The following ATG3 variants were observed in gnomAD, a reference collection of about 807,000 sequenced individuals.
ATG3 encodes autophagy related 3, also known as ubiquitin-like-conjugating enzyme ATG3.
ATG3 carries 25 observed loss-of-function variants against 50.7 expected under a neutral mutation model. That is an observed-to-expected ratio of 0.49 (90% CI 0.36 to 0.69). ATG3 has a LOEUF of 0.69. Among genes scored for constraint, ATG3 ranks in the 30% least tolerant of loss-of-function variants. The probability of loss-of-function intolerance (pLI) is 0.00; values close to 1 mark genes in which losing one functional copy is unlikely to be tolerated. For synonymous variants in ATG3, 119 were observed against 125.5 expected (o/e 0.95, Z 0.34); for missense variants, 281 against 376.0 (o/e 0.75, Z 2.09).
intron 3 of ATG3, among the ~76,000 whole-genome samples, chr3:112,551,883 G>A (rs899149650): frequency 1.3e-5 from 2 of 151,758 alleles, no homozygotes; most frequent in African/African-American, 4.8e-5. Flanking sequence ...TTTTAAATAT[G>A]GAACAAAAAA....
At chr3:112,553,060 A>C (rs1933570621) in intron 3 of ATG3, among the ~76,000 whole-genome samples, 2 of 152,206 alleles carry the variant, frequency 1.3e-5, no homozygotes, top group Non-Finnish European at 2.9e-5. Flanking sequence ...TTTTTCTCAA[A>C]TTAGTCCATC....
intron 7 of ATG3, among the ~76,000 whole-genome samples, chr3:112,541,342 G>A (rs996558929): frequency 2.6e-5 from 4 of 151,112 alleles, no homozygotes; most frequent in East Asian, 1.9e-4. Context: ...AGCAGAGATC[G>A]CACCACTGCA....
At chr3:112,554,506 T>C (rs1305577924) in intron 2 of ATG3, among the ~76,000 whole-genome samples, 3 of 152,202 alleles carry the variant, frequency 2.0e-5, no homozygotes, top group African/African-American at 7.2e-5. Flanking sequence ...TAAGAACTAA[T>C]GATAATCTCA....
Position 112,550,177 on chromosome 3 carries a change from CA to C in ATG3, c.235+14del. ...TCTACGCAAAATTTATTCATATATG[CA>C]ACATAATTCTTACCATTTTTGGTTA... On this transcript the variant is annotated intron_variant, in intron 4 of 11. Coordinates refer to ENST00000283290, the MANE Select transcript of ATG3 (RefSeq NM_022488.5). 6.3e-7 allele frequency: 1 copy of C among 1,583,664 alleles called. No individual in the cohort carries two copies. The highest frequency in any genetic ancestry group is 1.1e-5 in the South Asian group (1 of 88,958).
intron 5 of ATG3, among the ~76,000 whole-genome samples, chr3:112,546,178 A>C (rs1448259921): frequency 6.6e-6 from 1 of 152,114 alleles, no homozygotes; most frequent in African/African-American, 2.4e-5. Flanking sequence ...AACAAACAAA[A>C]AAAAACCTAT....
rs1444864807 is a variant in ATG3 at position 112,561,893 on chromosome 3, C to T, written c.-365G>A. On this transcript the variant is annotated 5_prime_UTR_variant, in exon 1 of 12. Transcript: ENST00000283290. ...TGTCCTCGCTTTGCTTCACTCGCGCCCCTTCCGGCTTCCCTTCCTTCTCAC... is the reference window on the plus strand; with the variant it reads ...TGTCCTCGCTTTGCTTCACTCGCGCTCCTTCCGGCTTCCCTTCCTTCTCAC... 3.9e-6 allele frequency: 1 copy of T among 254,716 alleles called. No individual in the cohort carries two copies. The highest frequency in any genetic ancestry group is 7.6e-6 in the Non-Finnish European group (1 of 132,172). The allele number at this position is 254,716 out of a possible 1,614,324, so 15.8% of individuals were successfully genotyped here.
intron 2 of ATG3, among the ~76,000 whole-genome samples, chr3:112,556,117 T>G (rs976995444): frequency 6.6e-6 from 1 of 152,248 alleles, no homozygotes; most frequent in Non-Finnish European, 1.5e-5. Context: ...AAATCAAAAC[T>G]TAGTTTTATT....
In ATG3 at chr3:112,561,627, C is replaced by A; in HGVS notation, c.-99G>T. On this transcript the variant is annotated 5_prime_UTR_variant, in exon 1 of 12. An upstream start codon of the reference 5' UTR is lost. Transcript: ENST00000283290. Reference sequence around the variant, plus strand: ...AAATGTCCTCGCTGCCACCGACTCGCATCAGCACCCGGCTGGCAGCACCCG... The same window carrying A: ...AAATGTCCTCGCTGCCACCGACTCGAATCAGCACCCGGCTGGCAGCACCCG... The A allele has an allele frequency of 8.0e-7, 1 of 1,244,352 alleles. No individual in the cohort carries two copies. The highest frequency in any genetic ancestry group is 1.1e-6 in the Non-Finnish European group (1 of 888,574). The allele number at this position is 1,244,352 out of a possible 1,614,324, so 77.1% of individuals were successfully genotyped here.
At chr3:112,541,923 A>T (rs1273024428) in intron 6 of ATG3, 39 bp from the exon 7 acceptor site, 1 of 1,517,616 alleles carries the variant, frequency 6.6e-7, no homozygotes, top group South Asian at 1.1e-5. Context: ...TTAAGTATAT[A>T]CATTAATTTG....
intron 2 of ATG3, chr3:112,558,144 C>T: frequency 2.0e-6 from 1 of 501,514 alleles, no homozygotes; most frequent in South Asian, 2.7e-5. Context: ...CTTCTTTCAC[C>T]CTCATTTCTA....
intron 8 of ATG3, 120 bp from the exon 9 acceptor site, chr3:112,538,010 C>CA: frequency 8.1e-7 from 1 of 1,240,966 alleles, no homozygotes; most frequent in Non-Finnish European, 1.1e-6. Context: ...ACTTGGAACT[C>CA]AAAGCTACGT....
intron 5 of ATG3, among the ~76,000 whole-genome samples, chr3:112,546,721 T>C (rs1191005672): frequency 6.6e-6 from 1 of 152,132 alleles, no homozygotes; most frequent in Non-Finnish European, 1.5e-5. Context: ...TCAAAAACAA[T>C]GCACAATCAA....
chr3:112,556,566 G>A (rs1308249733), intron 2 of ATG3, among the ~76,000 whole-genome samples: 3 of 152,192 alleles, frequency 2.0e-5, no homozygotes, highest in African/African-American at 4.8e-5. Context: ...TGACAATGGC[G>A]GTTTTGTGGA....
At chr3:112,557,671 C>A (rs1933727707) in intron 2 of ATG3, among the ~76,000 whole-genome samples, 3 of 152,078 alleles carry the variant, frequency 2.0e-5, no homozygotes, top group South Asian at 4.2e-4. Flanking sequence ...AATTCCATCA[C>A]AACTGAAAAT....
At chr3:112,534,634 G>A (rs1932976758) in intron 10 of ATG3, 1 of 173,894 alleles carries the variant, frequency 5.8e-6, no homozygotes. Context: ...GGTAGTCACA[G>A]CAGACACCAT....
intron 2 of ATG3, among the ~76,000 whole-genome samples, chr3:112,556,970 G>A (rs1933702083): frequency 6.6e-6 from 1 of 151,244 alleles, no homozygotes. Flanking sequence ...CTATTGTCCT[G>A]TGACCCTGCC....
chr3:112,557,813 T>C (rs1933731013), intron 2 of ATG3, among the ~76,000 whole-genome samples: 1 of 150,614 alleles, frequency 6.6e-6, no homozygotes, highest in Non-Finnish European at 1.5e-5. Context: ...GTGTTTTCAT[T>C]GGCAGAAAAA....
intron 5 of ATG3, 117 bp downstream of exon 5, chr3:112,548,416 A>G: frequency 1.2e-6 from 1 of 869,198 alleles, no homozygotes; most frequent in Non-Finnish European, 1.8e-6. Context: ...TTTTCATGTA[A>G]GTCTATTGGG....
intron 11 of ATG3, chr3:112,533,635 G>A: frequency 1.0e-6 from 1 of 985,206 alleles, no homozygotes; most frequent in Non-Finnish European, 1.2e-6. Flanking sequence ...AAGCTATCTG[G>A]CATGTAAATC....
Sources: gnomAD v4.1 joint callset for allele counts (sites outside exome capture counted in the v4.1 genomes callset) on GRCh38, gnomAD v4.1.1 for gene constraint, MANE v1.5 for transcripts, NCBI Gene and HGNC (gene_info 2026-07-23, HGNC 2026-07-21) for gene names.